Variants in SEMA5A observed in about 807,000 individuals in gnomAD.
SEMA5A encodes the protein semaphorin 5A.
SEMA5A carries 55 observed loss-of-function variants against 135.5 expected under a neutral mutation model. The observed-to-expected ratio is 0.41, with a 90% CI of 0.33 to 0.51. SEMA5A has a LOEUF of 0.51. Ranked by LOEUF, SEMA5A falls within the 20% of genes least tolerant of loss-of-function variation. The pLI is 0.37. For missense variants in SEMA5A, 1,290 were observed against 1,419.9 expected (o/e 0.91, Z 1.47); for synonymous variants, 580 against 546.5 (o/e 1.06, Z -0.85).
At chr5:9,447,790 G>A (rs745961149) in intron 1 of SEMA5A, among the ~76,000 whole-genome samples, 3 of 152,118 alleles carry the variant, frequency 2.0e-5, no homozygotes, top group Admixed American at 6.5e-5. Flanking sequence ...TACACATGTG[G>A]GGGAATGTAA....
At chr5:9,119,233 G>T in intron 14 of SEMA5A, 92 bp from the exon 15 acceptor site, 2 of 1,462,570 alleles carry the variant, frequency 1.4e-6, no homozygotes, top group Non-Finnish European at 1.9e-6. Context: ...GTGTTCCTCA[G>T]GAGGATCACG....
intron 15 of SEMA5A, among the ~76,000 whole-genome samples, chr5:9,110,564 A>G (rs1158795452): frequency 1.3e-5 from 2 of 152,208 alleles, no homozygotes; most frequent in African/African-American, 4.8e-5. Flanking sequence ...CTGTATAGAA[A>G]ACAAAACAAA....
At chr5:9,092,454 G>A (rs973756939) in intron 16 of SEMA5A, among the ~76,000 whole-genome samples, 2 of 152,184 alleles carry the variant, frequency 1.3e-5, no homozygotes, top group Admixed American at 6.5e-5. Flanking sequence ...ATAAGGTCCT[G>A]GAAGATCCCT....
At chr5:9,472,585 G>A (rs1365762139) in intron 1 of SEMA5A, among the ~76,000 whole-genome samples, 2 of 152,146 alleles carry the variant, frequency 1.3e-5, no homozygotes, top group Non-Finnish European at 2.9e-5. Context: ...AAGGAGGCTT[G>A]GGGGTTGGGA....
At chr5:9,461,191 A>G (rs1185223301) in intron 1 of SEMA5A, among the ~76,000 whole-genome samples, 3 of 152,236 alleles carry the variant, frequency 2.0e-5, no homozygotes, top group Admixed American at 2.0e-4. Context: ...AAGATCAGCT[A>G]GGAAACTATT....
intron 5 of SEMA5A, among the ~76,000 whole-genome samples, chr5:9,244,403 C>A (rs1748373339): frequency 6.6e-6 from 1 of 152,162 alleles, no homozygotes; most frequent in African/African-American, 2.4e-5. Context: ...CAGACACATT[C>A]CCTATGGCCT....
In SEMA5A at chr5:9,427,260, G is replaced by A. The variant is rs1017168284; in HGVS notation, c.-78+10496C>T. Among the ~76,000 whole-genome samples, 7 of 151,988 alleles carry A rather than the reference G, an allele frequency of 4.6e-5. No individual in the cohort carries two copies. In the South Asian group the frequency reaches 8.3e-4, roughly 18 times the overall value. On this transcript the variant is annotated intron_variant, in intron 2 of 22. Coordinates refer to ENST00000382496, the MANE Select transcript of SEMA5A (RefSeq NM_003966.3). Reference sequence around the variant, plus strand: ...TAGAAGGCAGAGGTTGCAGTGAGCCGAGATCCCGCCACTGCTCTCCAGCCT... The same window carrying A: ...TAGAAGGCAGAGGTTGCAGTGAGCCAAGATCCCGCCACTGCTCTCCAGCCT...
chr5:9,131,824 A>G (rs2150207742), intron 13 of SEMA5A, among the ~76,000 whole-genome samples: 2 of 151,954 alleles, frequency 1.3e-5, no homozygotes, highest in African/African-American at 4.8e-5. Flanking sequence ...GAACATGCAG[A>G]CTATAATACA....
rs1735983254 is a variant in SEMA5A at position 9,041,830 on chromosome 5, G to T, written c.*1067C>A. 6.6e-6 allele frequency: 1 copy of T among 152,528 alleles called. No homozygotes were observed. The highest frequency in any genetic ancestry group is 6.6e-5 in the Admixed American group (1 of 15,258). 9.4% of individuals were successfully genotyped at this position (152,528 alleles called of 1,614,324 possible). A position where few individuals can be genotyped will look rare whatever the true frequency, so the allele number is the denominator to read the frequency against. Reference sequence around the variant, plus strand: ...TACATGGTATTAATGCTCGTGGTAGGGGCTGATTGCCACACATTGGGTATA... The same window carrying T: ...TACATGGTATTAATGCTCGTGGTAGTGGCTGATTGCCACACATTGGGTATA... On this transcript the variant is annotated 3_prime_UTR_variant, in exon 23 of 23. Transcript: ENST00000382496.
intron 21 of SEMA5A, among the ~76,000 whole-genome samples, chr5:9,045,289 T>C (rs1736188818): frequency 6.6e-6 from 1 of 152,226 alleles, no homozygotes; most frequent in African/African-American, 2.4e-5. Flanking sequence ...TGAGCCTCCC[T>C]GTGCAGCAGG....
chr5:9,201,568 G>C (rs1239068172), intron 9 of SEMA5A, among the ~76,000 whole-genome samples: 1 of 152,014 alleles, frequency 6.6e-6, no homozygotes, highest in Admixed American at 6.6e-5. Context: ...GATTCTCCAG[G>C]CAACACTATT....
chr5:9,142,013 C>T (rs372917030), intron 12 of SEMA5A, among the ~76,000 whole-genome samples: 9 of 152,200 alleles, frequency 5.9e-5, no homozygotes, highest in South Asian at 2.1e-4. Context: ...CACATACTTA[C>T]GAGCACTTGC....
At chr5:9,193,946 G>A (rs1356267044) in intron 10 of SEMA5A, among the ~76,000 whole-genome samples, 2 of 152,154 alleles carry the variant, frequency 1.3e-5, no homozygotes, top group Admixed American at 6.5e-5. Context: ...AAAGGGTCCT[G>A]ATGGACAGGA....
intron 8 of SEMA5A, among the ~76,000 whole-genome samples, chr5:9,220,253 T>C (rs774867138): frequency 1.3e-5 from 2 of 152,176 alleles, no homozygotes; most frequent in African/African-American, 4.8e-5. Flanking sequence ...CAGGGTACGG[T>C]GTACACTGTT....
chr5:9,324,157 C>T (rs1004092214), intron 4 of SEMA5A, among the ~76,000 whole-genome samples: 4 of 151,748 alleles, frequency 2.6e-5, no homozygotes, highest in African/African-American at 9.7e-5. Context: ...CAAGCTCTGC[C>T]TCCTGGGTTC....
intron 1 of SEMA5A, among the ~76,000 whole-genome samples, chr5:9,519,083 T>C (rs1736678076): frequency 1.3e-5 from 2 of 152,212 alleles, no homozygotes; most frequent in East Asian, 1.9e-4. Context: ...TTTTGTCTCA[T>C]TTTGTGTGTT....
At chr5:9,330,809 A>C (rs74809523) in intron 4 of SEMA5A, among the ~76,000 whole-genome samples, 2,304 of 152,288 alleles carry the variant, frequency 0.015, 50 homozygotes, top group African/African-American at 0.053. Flanking sequence ...CTGAGAAGGA[A>C]AGGGACAGAG....
At chr5:9,193,772 C>T (rs1234719500) in intron 10 of SEMA5A, among the ~76,000 whole-genome samples, 1 of 152,102 alleles carries the variant, frequency 6.6e-6, no homozygotes, top group Non-Finnish European at 1.5e-5. Flanking sequence ...GTGGTGGGCA[C>T]CTGTAATCCC....
At chr5:9,183,896 G>T (rs1744662043) in intron 11 of SEMA5A, among the ~76,000 whole-genome samples, 1 of 152,168 alleles carries the variant, frequency 6.6e-6, no homozygotes, top group African/African-American at 2.4e-5. Flanking sequence ...TTGATGGAAA[G>T]ATTAGCCTAG....
Sources: allele counts gnomAD v4.1 joint callset (sites outside exome capture counted in the v4.1 genomes callset), GRCh38; gene constraint gnomAD v4.1.1; transcripts MANE v1.5; gene names NCBI Gene and HGNC (gene_info 2026-07-23, HGNC 2026-07-21).